Variants in ZDHHC14 observed in about 807,000 individuals in gnomAD.
ZDHHC14 encodes zDHHC palmitoyltransferase 14.
A neutral mutation model predicts 47.7 loss-of-function variants in ZDHHC14; 16 were observed. That is an observed-to-expected ratio of 0.34 (90% CI 0.23 to 0.51). The LOEUF is 0.51. Among genes scored for constraint, ZDHHC14 ranks in the 20% least tolerant of loss-of-function variants. ZDHHC14 has a pLI of 0.97. For synonymous variants in ZDHHC14, 293 were observed against 278.9 expected (o/e 1.05, Z -0.50); for missense variants, 515 against 662.5 (o/e 0.78, Z 2.44).
At chr6:157,624,184 T>TC (rs1200785257) in intron 3 of ZDHHC14, among the ~76,000 whole-genome samples, 9 of 152,192 alleles carry the variant, frequency 5.9e-5, no homozygotes, top group African/African-American at 1.7e-4. Context: ...TTGCCAACTT[T>TC]CTATCCTGGA....
intron 1 of ZDHHC14, among the ~76,000 whole-genome samples, chr6:157,447,387 C>T (rs1418592371): frequency 6.6e-6 from 1 of 152,120 alleles, no homozygotes; most frequent in Non-Finnish European, 1.5e-5. Flanking sequence ...AACTCCTTGC[C>T]CAGAAGACCC....
chr6:157,501,696 A>T (rs925770112), intron 1 of ZDHHC14, among the ~76,000 whole-genome samples: 3 of 152,224 alleles, frequency 2.0e-5, no homozygotes, highest in Non-Finnish European at 4.4e-5. Flanking sequence ...CATGCAAACA[A>T]AGGCCATGAT....
At chr6:157,527,634 G>A (rs140768387) in intron 1 of ZDHHC14, among the ~76,000 whole-genome samples, 1 of 152,258 alleles carries the variant, frequency 6.6e-6, no homozygotes, top group East Asian at 1.9e-4. Context: ...CTCAGCTAGA[G>A]CATTTTCAAG....
At chr6:157,556,522 G>T (rs144757705) in intron 2 of ZDHHC14, among the ~76,000 whole-genome samples, 1 of 152,252 alleles carries the variant, frequency 6.6e-6, no homozygotes, top group Admixed American at 6.5e-5. Flanking sequence ...TTTGGTAGGG[G>T]TTAAGGCAGT....
chr6:157,586,632 G>C lies in ZDHHC14; in HGVS notation c.407-6356G>C, dbSNP rs1783706858. Among the ~76,000 whole-genome samples, 1 of 152,188 alleles carries C rather than the reference G, an allele frequency of 6.6e-6. No homozygotes were observed. On this transcript the variant is annotated intron_variant, in intron 2 of 8. Transcript: ENST00000359775. This position sits in a 1 kb window ranked among gnomAD's most constrained non-coding sequence, Gnocchi z 4.6. ...TGGCAAGACGGGCTCAAGACTTGCTGTGCTCATCAGACAGCCCAGCAGAGC... is the reference window on the plus strand; with the variant it reads ...TGGCAAGACGGGCTCAAGACTTGCTCTGCTCATCAGACAGCCCAGCAGAGC...
At chr6:157,573,768 A>G (rs28501429) in intron 2 of ZDHHC14, among the ~76,000 whole-genome samples, 5,921 of 152,138 alleles carry the variant, frequency 0.039, 148 homozygotes, top group Non-Finnish European at 0.056. Context: ...AGTACTCTCC[A>G]TCCAGCCCAG....
At chr6:157,491,436 T>A (rs189520338) in intron 1 of ZDHHC14, among the ~76,000 whole-genome samples, 22 of 152,316 alleles carry the variant, frequency 1.4e-4, no homozygotes. Context: ...GCCATAAATA[T>A]TTATGGAATG....
At chr6:157,671,821 C>G (rs1402720551) in intron 8 of ZDHHC14, among the ~76,000 whole-genome samples, 3 of 152,194 alleles carry the variant, frequency 2.0e-5, no homozygotes, top group Non-Finnish European at 4.4e-5. Flanking sequence ...TTTTACCAAA[C>G]AGTCTTTTCT....
At position 157,577,205 on chromosome 6, in the gene ZDHHC14, TA is replaced by T. The variant is rs1250904473; in HGVS notation, c.407-15781del. 3.3e-5 allele frequency among the ~76,000 whole-genome samples: 5 copies of T among 152,334 alleles called. No individual in the cohort carries two copies. The East Asian group carries it at 9.6e-4, about 29-fold the overall frequency. ...CAGTGAACATGATTTCATTCTTTTT[TA>T]AGGCTGCATAGTATTCCATGGTGTA... On this transcript the variant is annotated intron_variant, in intron 2 of 8. Coordinates refer to ENST00000359775, the MANE Select transcript of ZDHHC14 (RefSeq NM_024630.3).
chr6:157,486,247 G>A (rs376928493), intron 1 of ZDHHC14, among the ~76,000 whole-genome samples: 11 of 152,062 alleles, frequency 7.2e-5, no homozygotes, highest in South Asian at 4.2e-4. Context: ...ATATCCAATC[G>A]CGTCACTACA....
intron 1 of ZDHHC14, among the ~76,000 whole-genome samples, chr6:157,519,496 G>A (rs1780836523): frequency 6.6e-6 from 1 of 152,108 alleles, no homozygotes; most frequent in Admixed American, 6.5e-5. Flanking sequence ...GAGAAGTAAG[G>A]GCCTAAATGA....
At chr6:157,639,749 G>A (rs948184272) in intron 5 of ZDHHC14, among the ~76,000 whole-genome samples, 4 of 152,164 alleles carry the variant, frequency 2.6e-5, no homozygotes, top group Non-Finnish European at 5.9e-5. Context: ...GGGTGAGGGC[G>A]GAGGAGTAGG....
At chr6:157,637,059 G>T (rs138700429) in intron 5 of ZDHHC14, among the ~76,000 whole-genome samples, 2 of 152,198 alleles carry the variant, frequency 1.3e-5, no homozygotes, top group African/African-American at 4.8e-5. Context: ...GTAAGCATGC[G>T]TTGGGTGCTA....
chr6:157,394,228 C>G (rs1166192671), intron 1 of ZDHHC14, among the ~76,000 whole-genome samples: 1 of 152,206 alleles, frequency 6.6e-6, no homozygotes, highest in East Asian at 1.9e-4. Flanking sequence ...CATTCTTCCT[C>G]TCTGTGTCTG....
chr6:157,505,049 A>T (rs1158464550), intron 1 of ZDHHC14, among the ~76,000 whole-genome samples: 2 of 152,042 alleles, frequency 1.3e-5, no homozygotes, highest in Non-Finnish European at 2.9e-5. Context: ...ACCTCAAGTG[A>T]TCCACCCGCC....
intron 3 of ZDHHC14, among the ~76,000 whole-genome samples, chr6:157,617,121 C>T (rs2114932485): frequency 6.6e-6 from 1 of 152,284 alleles, no homozygotes; most frequent in African/African-American, 2.4e-5. Flanking sequence ...TTCCTCTTAC[C>T]TCATATAACA....
intron 1 of ZDHHC14, among the ~76,000 whole-genome samples, chr6:157,461,521 A>T (rs2114814915): frequency 6.6e-6 from 1 of 152,264 alleles, no homozygotes; most frequent in Non-Finnish European, 1.5e-5. Flanking sequence ...TGTCATTCCC[A>T]GAGGCAAAGG....
rs144131995 is a variant in ZDHHC14 at position 157,521,881 on chromosome 6, G to C, written c.246-20704G>C. Among the ~76,000 whole-genome samples the C allele has an allele frequency of 4.7e-3, 709 of 152,338 alleles. 3 individuals carry two copies. Among genetic ancestry groups the C allele is most frequent in the Non-Finnish European group, 7.9e-3 (536 of 68,032 alleles). ...AACCAAGGAGCAGCTCTGACTTCTA[G>C]ATTGACTGGATCAGGCTTCCCCATC... On this transcript the variant is annotated intron_variant, in intron 1 of 8. Coordinates refer to ENST00000359775, the MANE Select transcript of ZDHHC14 (RefSeq NM_024630.3).
chr6:157,673,023 C>T lies in ZDHHC14; in HGVS notation c.1368C>T (p.Pro456=). 6.4e-7 allele frequency: 1 copy of T among 1,567,700 alleles called. No individual in the cohort carries two copies. ...SPPRLLAAGS[P]LAHSRTMHVL... ...CCAGGCTACTGGCGGCGGGCAGCCC[C>T]CTGGCGCACAGCCGCACCATGCACG... The change falls in exon 9 of 9, where the codon CCC becomes CCT. Residue 456 remains proline, a synonymous_variant. Transcript: ENST00000359775. The surrounding 1 kb of genome is among the most constrained non-coding windows in gnomAD (Gnocchi z 5.4).
Sources: allele counts gnomAD v4.1 joint callset (sites outside exome capture counted in the v4.1 genomes callset), GRCh38; gene constraint gnomAD v4.1.1; non-coding constraint Gnocchi (gnomAD v3.1); transcripts MANE v1.5; gene names NCBI Gene and HGNC (gene_info 2026-07-23, HGNC 2026-07-21).